BDH2: variants seen among roughly 807,000 people sequenced by gnomAD.
The protein encoded by BDH2 is dehydrogenase/reductase SDR family member 6.
Under a neutral mutation model 33.2 loss-of-function variants are expected in BDH2, and 24 were observed. The observed-to-expected ratio is 0.72, with a 90% confidence interval of 0.52 to 1.02. BDH2 has a LOEUF of 1.02. Ranked by LOEUF, BDH2 falls within the 50% of genes least tolerant of loss-of-function variation. BDH2 has a pLI of 0.00. For missense variants in BDH2, 249 were observed against 301.6 expected, an observed-to-expected ratio of 0.83 and a Z score of 1.29; for synonymous variants, 81 against 101.6, an observed-to-expected ratio of 0.80 and a Z score of 1.22.
At chr4:103,086,132 C>T in intron 6 of BDH2, 1 of 1,097,356 alleles carries the variant, frequency 9.1e-7, no homozygotes, top group Non-Finnish European at 1.1e-6. Flanking sequence ...TAGTTTTGGA[C>T]TGTGAATTCT....
At chr4:103,079,789 A>G (rs1260731928) in intron 9 of BDH2, 34 bp from the exon 10 acceptor site, 1 of 1,596,918 alleles carries the variant, frequency 6.3e-7, no homozygotes, top group Admixed American at 1.7e-5. Context: ...CAGAACAATT[A>G]ACCAGGTTTG....
intron 5 of BDH2, among the ~76,000 whole-genome samples, chr4:103,090,486 G>A (rs1748026225): frequency 6.6e-6 from 1 of 152,174 alleles, no homozygotes; most frequent in Non-Finnish European, 1.5e-5. Context: ...AAGCAATGGG[G>A]TACATCCCTC....
intron 9 of BDH2, 42 bp downstream of exon 9, chr4:103,082,039 G>T: frequency 6.6e-7 from 1 of 1,523,658 alleles, no homozygotes; most frequent in Non-Finnish European, 9.1e-7. Flanking sequence ...GTGGCCAAAT[G>T]TGATTGAGGG....
rs752230677 is a variant in BDH2, at chr4:103,091,761, G to C, written c.249-476C>G. 6.1e-5 allele frequency: 28 copies of C among 455,640 alleles called. No homozygotes were observed. In the Middle Eastern group the frequency reaches 1.3e-3, roughly 21 times the overall value. 28.2% of individuals were successfully genotyped at this position (455,640 alleles called of 1,614,324 possible). On this transcript the variant is annotated intron_variant, in intron 4 of 9. Coordinates refer to ENST00000296424, the MANE Select transcript of BDH2 (RefSeq NM_020139.4). ...CCCTGTTTCAGAAAAAAAAAAGAGA[G>C]AGAGAAAAAACATCTGCCCTATTTG...
At chr4:103,095,703 C>T (rs1050052444) in intron 2 of BDH2, among the ~76,000 whole-genome samples, 1 of 152,122 alleles carries the variant, frequency 6.6e-6, no homozygotes, top group African/African-American at 2.4e-5. Flanking sequence ...TCATAAATGT[C>T]AAACCATACC....
chr4:103,095,569 T>G (rs552209866), intron 2 of BDH2, among the ~76,000 whole-genome samples: 43 of 152,288 alleles, frequency 2.8e-4, no homozygotes, highest in African/African-American at 1.0e-3. Flanking sequence ...TTCAATACTC[T>G]CAAAATACTG....
Position 103,079,402 on chromosome 4 carries a change from T to A in BDH2, c.*300A>T. 1 of 300,878 alleles carries A rather than the reference T, an allele frequency of 3.3e-6. No individual in the cohort carries two copies. The highest frequency in any genetic ancestry group is 6.2e-6 in the Non-Finnish European group (1 of 160,310). The allele number at this position is 300,878 out of a possible 1,614,324, so 18.6% of individuals were successfully genotyped here. On this transcript the variant is annotated 3_prime_UTR_variant, in exon 10 of 10. Transcript: ENST00000296424. ...GTCTATGACACTCCATCTATGGTAA[T>A]TTGTTATAGCAGCCCAAAGTGACTA...
intron 5 of BDH2, among the ~76,000 whole-genome samples, chr4:103,088,381 G>A (rs1212469687): frequency 6.6e-6 from 1 of 152,120 alleles, no homozygotes; most frequent in East Asian, 1.9e-4. Context: ...ATTATCTCAG[G>A]CAAAACCTTA....
At position 103,096,240 on chromosome 4, in the gene BDH2, AT is replaced by A. The variant is rs1473812579; in HGVS notation, c.14del (p.Asp5ValfsTer7). On this transcript the variant is annotated frameshift_variant, in exon 2 of 10. Transcript: ENST00000296424. Reference protein sequence around the residue: MGRLDGKVIILTAAA... With the variant: MGRLXGKVIILTAAA... ...CGGCCGTCAGGATGATGACTTTCCCATCAAGTCGACCCATAATGGAACCTGT... is the reference window on the plus strand; with the variant it reads ...CGGCCGTCAGGATGATGACTTTCCCACAAGTCGACCCATAATGGAACCTGT... The A allele has an allele frequency of 1.2e-6, 2 of 1,613,818 alleles. No homozygotes were observed. Among genetic ancestry groups the A allele is most frequent in the Admixed American group, 1.7e-5 (1 of 60,022 alleles).
At chr4:103,086,759 A>G (rs1747812870) in intron 5 of BDH2, among the ~76,000 whole-genome samples, 1 of 152,196 alleles carries the variant, frequency 6.6e-6, no homozygotes, top group Admixed American at 6.5e-5. Context: ...ACTCACTGGC[A>G]TTTCCCAGGG....
intron 4 of BDH2, chr4:103,091,687 G>C (rs1748100682): frequency 4.4e-6 from 2 of 455,170 alleles, no homozygotes; most frequent in African/African-American, 4.0e-5. Context: ...TTAGGATGCA[G>C]TGAGCTATGA....
At chr4:103,091,090 C>G in intron 5 of BDH2, 87 bp downstream of exon 5, 1 of 754,256 alleles carries the variant, frequency 1.3e-6, no homozygotes, top group South Asian at 1.7e-5. Context: ...TATTATCACT[C>G]TTCAGCACAT....
chr4:103,095,547 A>T (rs566563340), intron 2 of BDH2, among the ~76,000 whole-genome samples: 1 of 152,340 alleles, frequency 6.6e-6, no homozygotes, highest in East Asian at 1.9e-4. Flanking sequence ...TCTTAAAAAA[A>T]TGACAGCTGT....
At position 103,092,615 on chromosome 4, in the gene BDH2, A is replaced by G; in HGVS notation, c.233T>C (p.Leu78Pro). 6.2e-7 allele frequency: 1 copy of G among 1,609,070 alleles called. No homozygotes were observed. The change falls in exon 4 of 10, where the codon CTC becomes CCC. Residue 78 changes from leucine (L) to proline (P), a missense_variant. Leu to Pro is a moderately conservative substitution (Grantham distance 98, BLOSUM62 -3). Transcript: ENST00000296424. ...TATGAATTACCCAGCAACATTAAAG[A>G]GAACATCAAGTCTCTCAACTTCATT... The part of the protein sequence containing the change: ...FANEVERLDV[L>P]FNVAGFVHHG...
intron 3 of BDH2, among the ~76,000 whole-genome samples, chr4:103,093,990 A>G (rs1199656139): frequency 6.6e-6 from 1 of 152,174 alleles, no homozygotes; most frequent in Non-Finnish European, 1.5e-5. Context: ...CTGTTTGATT[A>G]TGTAACCTGT....
chr4:103,090,165 T>C (rs1023171551), intron 5 of BDH2, among the ~76,000 whole-genome samples: 1 of 152,220 alleles, frequency 6.6e-6, no homozygotes, highest in African/African-American at 2.4e-5. Context: ...TTGAGCTGGC[T>C]CTGTACCCAG....
At chr4:103,082,657 A>G (rs60298331) in intron 8 of BDH2, among the ~76,000 whole-genome samples, 3,481 of 152,126 alleles carry the variant, frequency 0.023, 126 homozygotes, top group African/African-American at 0.076. Flanking sequence ...CCTGGGCTCA[A>G]GCGATCCCCC....
At chr4:103,088,241 T>C (rs1747893553) in intron 5 of BDH2, among the ~76,000 whole-genome samples, 1 of 152,202 alleles carries the variant, frequency 6.6e-6, no homozygotes, top group South Asian at 2.1e-4. Flanking sequence ...CTTAAAATTG[T>C]TCTTTCTTAT....
chr4:103,086,120 C>G, intron 6 of BDH2: 1 of 1,095,800 alleles, frequency 9.1e-7, no homozygotes, highest in Non-Finnish European at 1.1e-6. Flanking sequence ...CTGCCTTGCT[C>G]CTAGTTTTGG....
Sources: allele counts gnomAD v4.1 joint callset (sites outside exome capture counted in the v4.1 genomes callset), GRCh38; gene constraint gnomAD v4.1.1; transcripts MANE v1.5; gene names NCBI Gene and HGNC (gene_info 2026-07-23, HGNC 2026-07-21).